ASXL2: variants seen among roughly 807,000 people sequenced by gnomAD.
ASXL2 encodes ASXL transcriptional regulator 2.
Under a neutral mutation model 122.0 loss-of-function variants are expected in ASXL2, and 23 were observed. The ratio of observed to expected loss-of-function variants is 0.19; its 90% confidence interval spans 0.14 to 0.27. ASXL2 has a LOEUF of 0.27. Ranked by LOEUF, ASXL2 falls within the 10% of genes least tolerant of loss-of-function variation. The pLI is 1.00. For synonymous variants in ASXL2, 650 were observed against 637.0 expected, an observed-to-expected ratio of 1.02 and a Z score of -0.31; for missense variants, 1,518 against 1,713.8, an observed-to-expected ratio of 0.89 and a Z score of 2.02.
intron 1 of ASXL2, among the ~76,000 whole-genome samples, chr2:25,870,750 CATAAA>C (rs201461026): frequency 0.019 from 2,866 of 152,100 alleles, 53 homozygotes; most frequent in Non-Finnish European, 0.031. Flanking sequence ...CCATGATATT[CATAAA>C]ATAAAGTTAT....
chr2:25,750,420 A>C lies in ASXL2; in HGVS notation c.1143-7T>G. 6.4e-7 allele frequency: 1 copy of C among 1,566,474 alleles called. No homozygotes were observed. Among genetic ancestry groups the C allele is most frequent in the Non-Finnish European group, 8.6e-7 (1 of 1,162,730 alleles). ...TTCAAGGCTCAGGCCAGAACTAAAA[A>C]GGGGAAAAAAGAAATATTCCAGTTG... On this transcript the variant is annotated splice_region_variant and splice_polypyrimidine_tract_variant and intron_variant, in intron 11 of 12. Transcript: ENST00000435504.
intron 4 of ASXL2, among the ~76,000 whole-genome samples, chr2:25,803,118 C>T (rs1379189892): frequency 8.0e-5 from 12 of 149,864 alleles, no homozygotes; most frequent in Admixed American, 3.4e-4. Flanking sequence ...GGCGACAGAG[C>T]GAGACTCCAT....
intron 10 of ASXL2, among the ~76,000 whole-genome samples, chr2:25,755,405 A>T (rs911386784): frequency 5.3e-5 from 8 of 152,238 alleles, no homozygotes; most frequent in African/African-American, 1.7e-4. Flanking sequence ...ACAATCAGTC[A>T]CTAGAAGCAT....
rs941039863 is a variant in ASXL2, at chr2:25,741,318, C to G, written c.*711G>C. ...CAGGGCAGGGGGTGGGATTAGGGAA[C>G]AGCAGGGATCCACAAATTCCAAGCA... On this transcript the variant is annotated 3_prime_UTR_variant, in exon 13 of 13. Coordinates refer to ENST00000435504, the MANE Select transcript of ASXL2 (RefSeq NM_018263.6). 4.5e-6 allele frequency: 1 copy of G among 221,926 alleles called. No homozygotes were observed. 13.7% of individuals were successfully genotyped at this position (221,926 alleles called of 1,614,324 possible). A position where few individuals can be genotyped will look rare whatever the true frequency, so the allele number is the denominator to read the frequency against.
chr2:25,877,783 C>G (rs2090021815), intron 1 of ASXL2, among the ~76,000 whole-genome samples: 1 of 152,202 alleles, frequency 6.6e-6, no homozygotes, highest in Non-Finnish European at 1.5e-5. Context: ...CAAGCCTTCT[C>G]CTATCTGCAT....
In ASXL2 at chr2:25,768,610, G is replaced by A. The variant is rs2088393265; in HGVS notation, c.631+132C>T. ...CCATTTATCCTGGATTTATATTGAT[G>A]TTTTGGCAGTACAAGGATTGTGTAA... On this transcript the variant is annotated intron_variant, in intron 7 of 12. Transcript: ENST00000435504. 6.3e-6 allele frequency: 6 copies of A among 952,118 alleles called. No individual in the cohort carries two copies. The Admixed American group carries it at 1.1e-4, about 18-fold the overall frequency. 59.0% of individuals were successfully genotyped at this position (952,118 alleles called of 1,614,324 possible).
chr2:25,813,655 A>G (rs2089199230), intron 3 of ASXL2, among the ~76,000 whole-genome samples: 1 of 152,272 alleles, frequency 6.6e-6, no homozygotes, highest in Non-Finnish European at 1.5e-5. Context: ...AGCACTTAGA[A>G]GAGTAACAAC....
At chr2:25,867,508 G>T (rs1474321245) in intron 1 of ASXL2, among the ~76,000 whole-genome samples, 2 of 152,132 alleles carry the variant, frequency 1.3e-5, no homozygotes, top group Non-Finnish European at 2.9e-5. Flanking sequence ...GTAAAAAAAG[G>T]TATGCAATGA....
Position 25,743,628 on chromosome 2 carries a change from C to G in ASXL2, c.2709G>C (p.Gln903His), listed in dbSNP as rs776544298. The G allele has an allele frequency of 1.2e-5, 20 of 1,613,968 alleles. No individual in the cohort carries two copies. The South Asian group carries it at 2.1e-4, about 17-fold the overall frequency. Residue 903 changes from glutamine (Q) to histidine (H), a missense_variant, in exon 13 of 13, where the codon CAG (glutamine) becomes CAC (histidine). Gln to His is a conservative substitution (Grantham distance 24). This residue lies in a region of ASXL2 where 831 missense variants were observed against 833.1 expected (regional missense o/e 1.00). Transcript: ENST00000435504. ...CAGCAGGTGCTGTAGTTGCACTGAC[C>G]TGGGGTACAGGAAGCTTTTCTAAAG... The part of the protein sequence containing the change: ...TATLEKLPVP[Q>H]VSATTAPAGS...
At chr2:25,752,348 A>G (rs904031376) in intron 11 of ASXL2, among the ~76,000 whole-genome samples, 3 of 152,192 alleles carry the variant, frequency 2.0e-5, no homozygotes, top group Non-Finnish European at 4.4e-5. Context: ...TTGGGGGGGA[A>G]AAACTGATTT....
intron 1 of ASXL2, among the ~76,000 whole-genome samples, chr2:25,872,529 A>T (rs2089969783): frequency 6.6e-6 from 1 of 152,246 alleles, no homozygotes; most frequent in Non-Finnish European, 1.5e-5. Flanking sequence ...AACAATTCAT[A>T]AACAAAATCT....
intron 11 of ASXL2, among the ~76,000 whole-genome samples, chr2:25,752,752 C>G (rs920617348): frequency 6.6e-6 from 1 of 151,198 alleles, no homozygotes; most frequent in African/African-American, 2.4e-5. Context: ...GAGGCTGAGG[C>G]AGAATTGCTT....
intron 1 of ASXL2, among the ~76,000 whole-genome samples, chr2:25,849,064 C>CATATATATATGTAT (rs2089686051): frequency 1.2e-5 from 1 of 86,516 alleles, no homozygotes; most frequent in Non-Finnish European, 2.0e-5. Context: ...AAAAAATTTA[C>CATATATATATGTAT]ATATATATAT....
chr2:25,770,829 A>G (rs1365261478), intron 6 of ASXL2, among the ~76,000 whole-genome samples: 2 of 152,272 alleles, frequency 1.3e-5, no homozygotes, highest in African/African-American at 4.8e-5. Flanking sequence ...AATCCCAAAG[A>G]AAACAAACCT....
intron 11 of ASXL2, among the ~76,000 whole-genome samples, chr2:25,751,441 C>T (rs554424875): frequency 1.3e-5 from 2 of 152,140 alleles, no homozygotes; most frequent in African/African-American, 4.8e-5. Flanking sequence ...TGAAACCAGC[C>T]TGTGCAACAG....
At chr2:25,760,467 A>AG (rs1234415279) in intron 8 of ASXL2, among the ~76,000 whole-genome samples, 2 of 152,228 alleles carry the variant, frequency 1.3e-5, no homozygotes, top group African/African-American at 4.8e-5. Flanking sequence ...GGGACTATGC[A>AG]GGGGGAAAAA....
intron 1 of ASXL2, among the ~76,000 whole-genome samples, chr2:25,864,960 T>TAC (rs1176209257): frequency 1.3e-5 from 2 of 151,650 alleles, no homozygotes; most frequent in African/African-American, 4.9e-5. Context: ...GCCTCCCGAA[T>TAC]ACAGGCGCCT....
chr2:25,781,064 A>C (rs1449581638), intron 5 of ASXL2, among the ~76,000 whole-genome samples: 2 of 151,480 alleles, frequency 1.3e-5, no homozygotes, highest in Non-Finnish European at 2.9e-5. Context: ...ATCTCCAAAA[A>C]AAAAAAAAAA....
chr2:25,833,005 G>A (rs957394948), intron 3 of ASXL2, among the ~76,000 whole-genome samples: 1 of 152,062 alleles, frequency 6.6e-6, no homozygotes, highest in Non-Finnish European at 1.5e-5. Flanking sequence ...AATGTAGGAC[G>A]GACTAGTATA....
Sources: allele counts gnomAD v4.1 joint callset (sites outside exome capture counted in the v4.1 genomes callset), GRCh38; gene constraint gnomAD v4.1.1; regional missense constraint gnomAD v4.1.1; transcripts MANE v1.5; gene names NCBI Gene and HGNC (gene_info 2026-07-23, HGNC 2026-07-21).